Variants in GRM7 observed in about 807,000 individuals in gnomAD.
The protein encoded by GRM7 is metabotropic glutamate receptor 7.
GRM7 carries 35 observed loss-of-function variants against 84.5 expected under a neutral mutation model. The ratio of observed to expected loss-of-function variants is 0.41; its 90% CI spans 0.32 to 0.55. The LOEUF (loss-of-function observed/expected upper bound fraction) is 0.55. Ranked by LOEUF, GRM7 falls within the 20% of genes least tolerant of loss-of-function variation. The pLI is 0.19. For synonymous variants in GRM7, 487 were observed against 455.1 expected, an observed-to-expected ratio of 1.07 and a Z score of -0.89; for missense variants, 1,003 against 1,194.6, an observed-to-expected ratio of 0.84 and a Z score of 2.36.
chr3:6,878,574 C>T (rs535997651), intron 1 of GRM7, among the ~76,000 whole-genome samples: 1 of 132,358 alleles, frequency 7.6e-6, no homozygotes, highest in South Asian at 2.3e-4. Context: ...AACAACAACA[C>T]ATCCTCTCAG....
intron 1 of GRM7, among the ~76,000 whole-genome samples, chr3:6,881,388 G>A (rs1034242677): frequency 4.6e-5 from 7 of 152,060 alleles, no homozygotes; most frequent in Non-Finnish European, 7.4e-5. Flanking sequence ...GAGAACATGC[G>A]GTGTTTGGTT....
At chr3:7,206,560 T>A (rs923105183) in intron 2 of GRM7, among the ~76,000 whole-genome samples, 2 of 152,220 alleles carry the variant, frequency 1.3e-5, no homozygotes, top group Admixed American at 1.3e-4. Flanking sequence ...CTGGGACATT[T>A]GACAGTGCTA....
At chr3:7,485,693 A>T (rs1413489314) in intron 7 of GRM7, among the ~76,000 whole-genome samples, 2 of 152,232 alleles carry the variant, frequency 1.3e-5, no homozygotes, top group East Asian at 3.8e-4. Context: ...TTGTTGTGGC[A>T]GTAGCCCTTG....
At chr3:7,447,278 A>G (rs1411917447) in intron 5 of GRM7, among the ~76,000 whole-genome samples, 1 of 152,218 alleles carries the variant, frequency 6.6e-6, no homozygotes, top group Non-Finnish European at 1.5e-5. Context: ...ATTAATTGAA[A>G]AAAAAGCTGA....
At chr3:7,453,795 T>C (rs1164624170) in intron 6 of GRM7, among the ~76,000 whole-genome samples, 1 of 152,122 alleles carries the variant, frequency 6.6e-6, no homozygotes, top group Non-Finnish European at 1.5e-5. Context: ...TATAATCTAA[T>C]ACTAATAGGC....
At chr3:7,287,316 A>T (rs1699465902) in intron 2 of GRM7, among the ~76,000 whole-genome samples, 1 of 152,176 alleles carries the variant, frequency 6.6e-6, no homozygotes, top group African/African-American at 2.4e-5. Flanking sequence ...CAGAAAGAGG[A>T]TGAGCAAGAC....
chr3:7,081,018 T>G (rs1574875139), intron 1 of GRM7, among the ~76,000 whole-genome samples: 1 of 152,154 alleles, frequency 6.6e-6, no homozygotes, highest in East Asian at 1.9e-4. Context: ...TATACCTGTG[T>G]TTAAATAACG....
chr3:6,877,516 C>G (rs188528795), intron 1 of GRM7, among the ~76,000 whole-genome samples: 1 of 152,316 alleles, frequency 6.6e-6, no homozygotes, highest in African/African-American at 2.4e-5. Flanking sequence ...ACATGCCAAG[C>G]AAGGGCCTTC....
intron 2 of GRM7, among the ~76,000 whole-genome samples, chr3:7,149,706 T>A (rs573961732): frequency 2.0e-5 from 3 of 152,314 alleles, no homozygotes; most frequent in Non-Finnish European, 4.4e-5. Context: ...TTTTGACACA[T>A]GCTTTAACTT....
At chr3:7,323,664 A>C (rs189426026) in intron 4 of GRM7, among the ~76,000 whole-genome samples, 13 of 152,314 alleles carry the variant, frequency 8.5e-5, no homozygotes, top group Admixed American at 3.3e-4. Context: ...AAAAATACAA[A>C]AAACTAATTT....
At chr3:6,965,182 A>T (rs1232636602) in intron 1 of GRM7, among the ~76,000 whole-genome samples, 1 of 152,218 alleles carries the variant, frequency 6.6e-6, no homozygotes, top group Non-Finnish European at 1.5e-5. Flanking sequence ...AGAGGAACTG[A>T]TGGAAAACTA....
At chr3:7,646,435 ACCTG>A (rs1698642618) in intron 8 of GRM7, among the ~76,000 whole-genome samples, 1 of 151,782 alleles carries the variant, frequency 6.6e-6, no homozygotes. Context: ...CTGATGATCC[ACCTG>A]CCTCAGCCTC....
chr3:7,164,317 C>A (rs1174567122), intron 2 of GRM7, among the ~76,000 whole-genome samples: 1 of 152,218 alleles, frequency 6.6e-6, no homozygotes, highest in Non-Finnish European at 1.5e-5. Flanking sequence ...CAAGATCACG[C>A]CACTGCACTC....
chr3:7,014,739 T>C (rs1475895918), intron 1 of GRM7, among the ~76,000 whole-genome samples: 1 of 152,200 alleles, frequency 6.6e-6, no homozygotes. Context: ...TTCTTAAGAA[T>C]AGAGACTGTA....
chr3:7,153,392 A>G (rs1262538889), intron 2 of GRM7, among the ~76,000 whole-genome samples: 1 of 152,134 alleles, frequency 6.6e-6, no homozygotes, highest in Non-Finnish European at 1.5e-5. Context: ...GTTGTATTTC[A>G]TTGTAATCAT....
chr3:6,980,965 T>A (rs1170088782), intron 1 of GRM7, among the ~76,000 whole-genome samples: 2 of 152,202 alleles, frequency 1.3e-5, no homozygotes, highest in South Asian at 4.1e-4. Flanking sequence ...GATGTTTTTT[T>A]CCCAGTGCAA....
chr3:7,211,652 C>A (rs115575988), intron 2 of GRM7, among the ~76,000 whole-genome samples: 207 of 122,568 alleles, frequency 1.7e-3, no homozygotes, highest in South Asian at 1.8e-3. Context: ...TTCTCCCAAC[C>A]AAAAAAAAAA....
At chr3:7,167,386 A>T (rs1694834497) in intron 2 of GRM7, among the ~76,000 whole-genome samples, 1 of 152,132 alleles carries the variant, frequency 6.6e-6, no homozygotes. Context: ...GGGTTTCCAC[A>T]CATCCCTGCA....
At chr3:6,919,584 A>G (rs1697055538) in intron 1 of GRM7, among the ~76,000 whole-genome samples, 1 of 145,254 alleles carries the variant, frequency 6.9e-6, no homozygotes, top group Non-Finnish European at 1.5e-5. Flanking sequence ...TTTTTTTTGG[A>G]CACGCTGATC....
Sources: gnomAD v4.1 joint callset for allele counts (sites outside exome capture counted in the v4.1 genomes callset) on GRCh38, gnomAD v4.1.1 for gene constraint, MANE v1.5 for transcripts, NCBI Gene and HGNC (gene_info 2026-07-23, HGNC 2026-07-21) for gene names.